Variants in NELL1 observed in about 807,000 individuals in gnomAD.
The protein encoded by NELL1 is neural EGFL like 1, also known as protein kinase C-binding protein NELL1.
NELL1 carries 76 observed loss-of-function variants against 107.4 expected under a neutral mutation model. That is an observed-to-expected ratio of 0.71 (90% CI 0.59 to 0.86). NELL1 has a LOEUF of 0.86. Ranked by LOEUF, NELL1 falls within the 40% of genes least tolerant of loss-of-function variation. The pLI is 0.00. For synonymous variants in NELL1, 353 were observed against 341.2 expected (o/e 1.03, Z -0.38); for missense variants, 1,024 against 1,005.5 (o/e 1.02, Z -0.25).
chr11:21,016,406 A>C (rs2134294552), intron 12 of NELL1, among the ~76,000 whole-genome samples: 1 of 152,162 alleles, frequency 6.6e-6, no homozygotes, highest in East Asian at 1.9e-4. Flanking sequence ...GTAGCTCCCC[A>C]AACTCCCAAG....
chr11:21,529,004 G>T (rs1855930002), intron 15 of NELL1, among the ~76,000 whole-genome samples: 1 of 151,834 alleles, frequency 6.6e-6, no homozygotes, highest in Non-Finnish European at 1.5e-5. Context: ...ATGGAAAAGG[G>T]TCTCTCATAA....
intron 15 of NELL1, among the ~76,000 whole-genome samples, chr11:21,531,704 A>G (rs1334172608): frequency 6.6e-6 from 1 of 152,156 alleles, no homozygotes. Flanking sequence ...ATTTATCAGA[A>G]TTCCTTGAAT....
At chr11:21,346,841 T>G (rs1292075221) in intron 14 of NELL1, among the ~76,000 whole-genome samples, 1 of 152,112 alleles carries the variant, frequency 6.6e-6, no homozygotes, top group African/African-American at 2.4e-5. Context: ...CTTCACCTTC[T>G]AACTCTACTC....
intron 2 of NELL1, among the ~76,000 whole-genome samples, chr11:20,724,315 A>C (rs932619867): frequency 6.6e-6 from 1 of 152,208 alleles, no homozygotes; most frequent in Admixed American, 6.5e-5. Flanking sequence ...TCAGGCTGCA[A>C]ATTTTCCAAA....
At chr11:21,150,455 C>A (rs1856088597) in intron 13 of NELL1, among the ~76,000 whole-genome samples, 1 of 152,080 alleles carries the variant, frequency 6.6e-6, no homozygotes, top group African/African-American at 2.4e-5. Context: ...GCCAAGTTCT[C>A]ATTAATCCTC....
At chr11:21,378,265 G>A (rs374526834) in intron 15 of NELL1, among the ~76,000 whole-genome samples, 2 of 143,772 alleles carry the variant, frequency 1.4e-5, no homozygotes, top group Non-Finnish European at 3.1e-5. Flanking sequence ...GCATATATAT[G>A]TATATATATA....
At chr11:21,000,510 A>G (rs1025737776) in intron 12 of NELL1, among the ~76,000 whole-genome samples, 2 of 152,190 alleles carry the variant, frequency 1.3e-5, no homozygotes, top group African/African-American at 4.8e-5. Flanking sequence ...ATGCACTTTT[A>G]AAAAAGCAAA....
intron 5 of NELL1, among the ~76,000 whole-genome samples, chr11:20,892,340 A>G (rs543967081): frequency 6.6e-6 from 1 of 152,370 alleles, no homozygotes; most frequent in South Asian, 2.1e-4. Flanking sequence ...ACAATGTACC[A>G]GAACTGATTA....
chr11:20,933,276 T>G (rs1051814717), intron 9 of NELL1, among the ~76,000 whole-genome samples: 3 of 152,192 alleles, frequency 2.0e-5, no homozygotes, highest in Non-Finnish European at 4.4e-5. Flanking sequence ...AGCTGGCACA[T>G]TAGAGATACT....
chr11:20,817,583 T>C (rs1026415157), intron 3 of NELL1, among the ~76,000 whole-genome samples: 2 of 152,038 alleles, frequency 1.3e-5, no homozygotes, highest in Non-Finnish European at 2.9e-5. Flanking sequence ...CTTTCAAAAA[T>C]CCAATCTTTG....
At chr11:21,314,900 A>G (rs961226463) in intron 14 of NELL1, among the ~76,000 whole-genome samples, 3 of 151,546 alleles carry the variant, frequency 2.0e-5, no homozygotes, top group Non-Finnish European at 4.4e-5. Flanking sequence ...TCTGACGCCC[A>G]GGCTGGAGTG....
chr11:21,544,219 G>T (rs1309335505), intron 16 of NELL1, among the ~76,000 whole-genome samples: 1 of 151,928 alleles, frequency 6.6e-6, no homozygotes, highest in Non-Finnish European at 1.5e-5. Context: ...CACAAGTATT[G>T]GGATGTTATT....
intron 2 of NELL1, among the ~76,000 whole-genome samples, chr11:20,755,464 G>C (rs566015756): frequency 6.6e-6 from 1 of 151,596 alleles, no homozygotes; most frequent in African/African-American, 2.4e-5. Flanking sequence ...TCTTCCAAGG[G>C]GTCTAACACC....
chr11:20,783,280 C>T (rs959731788), intron 2 of NELL1, among the ~76,000 whole-genome samples: 14 of 152,146 alleles, frequency 9.2e-5, no homozygotes, highest in South Asian at 2.1e-4. Context: ...CACATTTATC[C>T]GACTACCTCT....
intron 2 of NELL1, among the ~76,000 whole-genome samples, chr11:20,752,967 T>C (rs1342285252): frequency 6.6e-6 from 1 of 152,166 alleles, no homozygotes; most frequent in African/African-American, 2.4e-5. Flanking sequence ...CATTAACAGA[T>C]GACACACACA....
intron 14 of NELL1, among the ~76,000 whole-genome samples, chr11:21,230,981 CTG>C (rs1858033895): frequency 6.6e-6 from 1 of 152,120 alleles, no homozygotes; most frequent in South Asian, 2.1e-4. Context: ...TCACTGAAAA[CTG>C]GAAACAACCA....
At chr11:20,815,873 C>T (rs1337237859) in intron 3 of NELL1, among the ~76,000 whole-genome samples, 1 of 152,002 alleles carries the variant, frequency 6.6e-6, no homozygotes, top group Non-Finnish European at 1.5e-5. Flanking sequence ...TCAGCATATG[C>T]CTAGTCATTT....
At chr11:20,864,101 A>G (rs1308135106) in intron 4 of NELL1, among the ~76,000 whole-genome samples, 3 of 23,018 alleles carry the variant, frequency 1.3e-4, no homozygotes, top group African/African-American at 2.1e-4. Context: ...GACCGTGGAA[A>G]GAGAGGGAGA....
At chr11:21,387,207 G>A (rs1468699094) in intron 15 of NELL1, among the ~76,000 whole-genome samples, 2 of 151,748 alleles carry the variant, frequency 1.3e-5, no homozygotes, top group Non-Finnish European at 2.9e-5. Flanking sequence ...TCATTAGTAA[G>A]GCATTTTCTA....
Sources: allele counts gnomAD v4.1 joint callset (sites outside exome capture counted in the v4.1 genomes callset), GRCh38; gene constraint gnomAD v4.1.1; transcripts MANE v1.5; gene names NCBI Gene and HGNC (gene_info 2026-07-23, HGNC 2026-07-21).